NOS3: variants seen among roughly 807,000 people sequenced by gnomAD.
NOS3 encodes the protein NOS type III.
NOS3 carries 98 observed loss-of-function variants against 144.9 expected under a neutral mutation model. The ratio of observed to expected loss-of-function variants is 0.68; its 90% CI spans 0.57 to 0.80. NOS3 has a LOEUF of 0.80. Among genes scored for constraint, NOS3 ranks in the 30% least tolerant of loss-of-function variants. The pLI, the probability that NOS3 is intolerant of heterozygous loss-of-function variation, is 0.00. For synonymous variants in NOS3, 714 were observed against 702.4 expected (o/e 1.02, Z -0.26); for missense variants, 1,465 against 1,656.4 (o/e 0.88, Z 2.01).
Position 151,014,137 on chromosome 7 carries a change from G to C in NOS3, c.3580G>C (p.Asp1194His). ...GCGGGGCGCAGTGCCCTGGGCGTTC[G>C]ACCCTCCCGGCTCAGACACCAACAG... ...QLRGAVPWAF[D>H]PPGSDTNSP Residue 1194 changes from aspartate to histidine, a missense_variant, in exon 27 of 27, where the codon GAC (aspartate) becomes CAC (histidine). Asp to His is a moderately conservative substitution (Grantham distance 81). Coordinates refer to ENST00000297494, the MANE Select transcript of NOS3 (RefSeq NM_000603.5). 1.9e-6 allele frequency: 3 copies of C among 1,611,078 alleles called. No individual in the cohort carries two copies. Among genetic ancestry groups the C allele is most frequent in the Non-Finnish European group, 2.5e-6 (3 of 1,178,234 alleles).
chr7:151,008,650 G>A (rs1795241827), intron 17 of NOS3, among the ~76,000 whole-genome samples: 1 of 152,308 alleles, frequency 6.6e-6, no homozygotes, highest in East Asian at 1.9e-4. Context: ...CAGAGCTACC[G>A]TGTGCCAAGC....
chr7:151,000,538 C>CG lies in NOS3; in HGVS notation c.1173dup (p.Ser392ValfsTer43). ...ATGGACCTGGATACCCGGACCACCT[C>CG]GTCCCTGTGGAAAGACAAGGCAGCA... On this transcript the variant is annotated frameshift_variant, in exon 10 of 27. Transcript: ENST00000297494. LOFTEE classifies it high-confidence loss of function. 1 of 1,613,570 alleles carries CG rather than the reference C, an allele frequency of 6.2e-7. No homozygotes were observed. Among genetic ancestry groups the CG allele is most frequent in the Non-Finnish European group, 8.5e-7 (1 of 1,179,880 alleles).
At position 150,993,650 on chromosome 7, in the gene NOS3, T is replaced by G; in HGVS notation, c.-51-103T>G. ...AGGCTTTAGAGCCTCCCAGCCGGGC[T>G]TGTTCCTGTCCCATTGTGTATGGGA... is the stretch of plus-strand genomic sequence containing the variant. On this transcript the variant is annotated intron_variant, in intron 1 of 26. Transcript: ENST00000297494. The surrounding 1 kb of genome is among the most constrained non-coding windows in gnomAD (Gnocchi z 4.0). 1.4e-6 allele frequency: 1 copy of G among 701,266 alleles called. No individual in the cohort carries two copies. Among genetic ancestry groups the G allele is most frequent in the African/African-American group, 1.9e-5 (1 of 53,536 alleles). The allele number at this position is 701,266 out of a possible 1,614,324, so 43.4% of individuals were successfully genotyped here. A position where few individuals can be genotyped will look rare whatever the true frequency, so the allele number is the denominator to read the frequency against.
rs756630118 is a variant in NOS3 at position 151,008,992 on chromosome 7, C to T, written c.2175C>T (p.Ser725=). The change falls in exon 18 of 27, where the codon AGC becomes AGT. Residue 725 remains serine, a synonymous_variant. Transcript: ENST00000297494. The stretch of plus-strand genomic sequence containing the variant: ...AGGCCGCCGCCCGAGACATCTTCAG[C>T]CCCAAACGGAGCTGGAAGCGCCAGA... ...DAKAAARDIF[S]PKRSWKRQRY... 1 of 1,611,804 alleles carries T rather than the reference C, an allele frequency of 6.2e-7. No homozygotes were observed. The highest frequency in any genetic ancestry group is 1.1e-5 in the South Asian group (1 of 90,702).
chr7:151,006,248 CTT>C (rs946336522), intron 14 of NOS3, among the ~76,000 whole-genome samples, 177 bp from the exon 15 acceptor site: 21 of 152,322 alleles, frequency 1.4e-4, no homozygotes, highest in Middle Eastern at 3.4e-3. Context: ...TGTCTTATCA[CTT>C]TACACATTTC....
intron 2 of NOS3, among the ~76,000 whole-genome samples, 180 bp downstream of exon 2, chr7:150,994,141 A>G (rs1305179152): frequency 6.6e-6 from 1 of 152,234 alleles, no homozygotes; most frequent in Non-Finnish European, 1.5e-5. Context: ...GACCAGGATC[A>G]GAGTCGGCAG....
Position 151,014,104 on chromosome 7 carries a change from C to T in NOS3, c.3547C>T (p.Arg1183Cys). ...IRTQSFSLQE[R>C]QLRGAVPWAF... ...CACCCAGAGCTTTTCCTTGCAGGAG[C>T]GTCAGTTGCGGGGCGCAGTGCCCTG... The change falls in exon 27 of 27, where the codon CGT (arginine) becomes TGT (cysteine). Residue 1183 changes from arginine to cysteine, a missense_variant. Around this residue, in one of 5 missense-constraint regions of NOS3, gnomAD observed 228 missense variants for 227.7 expected, o/e 1.00. Coordinates refer to ENST00000297494, the MANE Select transcript of NOS3 (RefSeq NM_000603.5). 1 of 1,613,642 alleles carries T rather than the reference C, an allele frequency of 6.2e-7. No homozygotes were observed. Among genetic ancestry groups the T allele is most frequent in the Non-Finnish European group, 8.5e-7 (1 of 1,179,796 alleles).
At chr7:151,013,197 A>G in intron 24 of NOS3, 34 bp from the exon 25 acceptor site, 3 of 1,596,370 alleles carry the variant, frequency 1.9e-6, no homozygotes, top group Non-Finnish European at 2.6e-6. Flanking sequence ...TGTGCCCCGG[A>G]GAAGAGCCTT....
At position 151,009,295 on chromosome 7, in the gene NOS3, C is replaced by CA. The variant is rs748194653; in HGVS notation, c.2324+29dup. The CA allele has an allele frequency of 4.6e-5, 71 of 1,537,432 alleles. No individual in the cohort carries two copies. In the Middle Eastern group the frequency reaches 6.8e-4, roughly 15 times the overall value. The stretch of plus-strand genomic sequence containing the variant: ...GAGGACGACGGCTTTACCGCCCCCC[C>CA]ACCCCTGTCCTGAACACCCTGACCC... On this transcript the variant is annotated intron_variant, in intron 19 of 26. Coordinates refer to ENST00000297494, the MANE Select transcript of NOS3 (RefSeq NM_000603.5).
At chr7:150,996,974 C>G (rs546592307) in intron 5 of NOS3, 49 bp downstream of exon 5, 115 of 1,518,834 alleles carry the variant, frequency 7.6e-5, no homozygotes, top group Non-Finnish European at 1.0e-4. Context: ...AAAAGGGGAG[C>G]GGGGTGGCGG....
chr7:151,009,460 G>A lies in NOS3; in HGVS notation c.2387G>A (p.Gly796Glu). 2 of 1,549,324 alleles carry A rather than the reference G, an allele frequency of 1.3e-6. No individual in the cohort carries two copies. The highest frequency in any genetic ancestry group is 1.7e-6 in the Non-Finnish European group (2 of 1,146,826). ...CAGGAGGGGCTGCAGTACCAGCCGGGGGACCACATAGGTGTCTGCCCGCCC... is the reference window on the plus strand; with the variant it reads ...CAGGAGGGGCTGCAGTACCAGCCGGAGGACCACATAGGTGTCTGCCCGCCC... Reference protein sequence around the residue: ...GGQEGLQYQPGDHIGVCPPNR... With the variant: ...GGQEGLQYQPEDHIGVCPPNR... Residue 796 changes from glycine (G) to glutamate (E), a missense_variant, in exon 20 of 27, where the codon GGG becomes GAG. Transcript: ENST00000297494.
chr7:150,994,500 C>T (rs1802324319), intron 2 of NOS3, among the ~76,000 whole-genome samples: 1 of 152,124 alleles, frequency 6.6e-6, no homozygotes, highest in Non-Finnish European at 1.5e-5. Context: ...TTTTCCCCTG[C>T]TCCAGCCCCC....
At chr7:150,994,662 G>C (rs1197117719) in intron 2 of NOS3, among the ~76,000 whole-genome samples, 2 of 152,218 alleles carry the variant, frequency 1.3e-5, no homozygotes, top group Non-Finnish European at 2.9e-5. Context: ...ATGCAGGGAA[G>C]GCTGAGGGCC....
chr7:151,011,981 C>T (rs1220167421), intron 23 of NOS3: 3 of 294,946 alleles, frequency 1.0e-5, no homozygotes, highest in South Asian at 2.7e-5. Flanking sequence ...GGTGGCTAAA[C>T]TACAAATAAA....
In NOS3 at chr7:151,001,442, GCT is replaced by G. The variant is rs768659455; in HGVS notation, c.1428+20_1428+21del. On this transcript the variant is annotated intron_variant, in intron 11 of 26. Transcript: ENST00000297494. ...CGCTACCAGGTGCCCACCCTAACTG[GCT>G]CTGCCAGCCTGGGCCCAGCTCTAAT... The G allele has an allele frequency of 5.0e-6, 8 of 1,587,914 alleles. No individual in the cohort carries two copies. The highest frequency in any genetic ancestry group is 1.7e-4 in the Middle Eastern group (1 of 5,942).
intron 5 of NOS3, among the ~76,000 whole-genome samples, chr7:150,997,952 C>T (rs1034701982): frequency 2.0e-5 from 3 of 152,190 alleles, no homozygotes; most frequent in African/African-American, 7.2e-5. Context: ...CTTCCCTTCC[C>T]ACCATCCATG....
At position 151,013,331 on chromosome 7, in the gene NOS3, G is replaced by GT; in HGVS notation, c.3210dup (p.Gly1071TrpfsTer12). 1 of 1,613,976 alleles carries GT rather than the reference G, an allele frequency of 6.2e-7. No homozygotes were observed. Among genetic ancestry groups the GT allele is most frequent in the Non-Finnish European group, 8.5e-7 (1 of 1,179,976 alleles). On this transcript the variant is annotated frameshift_variant, in exon 25 of 27. Coordinates refer to ENST00000297494, the MANE Select transcript of NOS3 (RefSeq NM_000603.5). LOFTEE classifies it high-confidence loss of function. ...TGCAGAACGCCCAGCAGCGCGGGGT[G>GT]TTTGGCCGAGTCCTCACCGCCTTCT...
intron 3 of NOS3, 83 bp downstream of exon 3, chr7:150,995,397 C>T (rs1047651144): frequency 1.2e-6 from 1 of 845,618 alleles, no homozygotes; most frequent in African/African-American, 1.7e-5. Flanking sequence ...GAGAGGGAAG[C>T]TCAACCCTTC....
Position 151,006,332 on chromosome 7 carries a change from TCAA to T in NOS3, c.1753-94_1753-92del, listed in dbSNP as rs1795205814. The T allele has an allele frequency of 3.4e-6, 3 of 870,812 alleles. No homozygotes were observed. The East Asian group carries it at 7.4e-5, about 22-fold the overall frequency. The allele number at this position is 870,812 out of a possible 1,614,324, so 53.9% of individuals were successfully genotyped here. A position where few individuals can be genotyped will look rare whatever the true frequency, so the allele number is the denominator to read the frequency against. On this transcript the variant is annotated intron_variant, in intron 14 of 26. Transcript: ENST00000297494. ...AAACAAATAAAAATTAAGTTACAAA[TCAA>T]TAATAATGAGGATCAGCTGGTACAG...
Sources: gnomAD v4.1 joint callset for allele counts (sites outside exome capture counted in the v4.1 genomes callset) on GRCh38, gnomAD v4.1.1 for gene constraint, gnomAD v4.1.1 regional missense constraint, Gnocchi (gnomAD v3.1) non-coding constraint, MANE v1.5 for transcripts, NCBI Gene and HGNC (gene_info 2026-07-23, HGNC 2026-07-21) for gene names.